The following PPP2R3B variants were observed in gnomAD, a reference collection of about 807,000 sequenced individuals.
PPP2R3B encodes serine/threonine-protein phosphatase 2A regulatory subunit B'' subunit beta.
In PPP2R3B, 68 loss-of-function variants were observed where a neutral mutation model predicts 72.9. That is an observed-to-expected ratio of 0.93 (90% CI 0.77 to 1.14). The LOEUF (loss-of-function observed/expected upper bound fraction) is 1.14, where lower values mean the gene tolerates loss of function less well. PPP2R3B is among the 50% of genes most tolerant of loss of function. The pLI is 0.00. For synonymous variants in PPP2R3B, 466 were observed against 375.8 expected (o/e 1.24, Z -2.78); for missense variants, 1,018 against 842.0 (o/e 1.21, Z -2.59).
chrX:372,160 C>T (rs962353178), intron 1 of PPP2R3B, among the ~76,000 whole-genome samples: 4 of 152,142 alleles, frequency 2.6e-5, no homozygotes, highest in Admixed American at 6.5e-5. Flanking sequence ...GAGCAAATCC[C>T]GCACGAGGCT....
chrX:356,050 G>C (rs551708572), intron 2 of PPP2R3B, among the ~76,000 whole-genome samples: 1 of 152,152 alleles, frequency 6.6e-6, no homozygotes, highest in African/African-American at 2.4e-5. Flanking sequence ...AAACACGTAA[G>C]GTGGTCAACA....
chrX:338,823 C>A lies in PPP2R3B; in HGVS notation c.1425G>T (p.Glu475Asp). The A allele has an allele frequency of 1.2e-6, 2 of 1,612,470 alleles. No homozygotes were observed. Among genetic ancestry groups the A allele is most frequent in the Middle Eastern group, 1.7e-4 (1 of 6,052 alleles). ...NVFFDTFFNI[E>D]KYLDHEQKEQ... Reference sequence around the variant, plus strand: ...CTTTCTGCTCGTGGTCGAGGTACTTCTCGATGTTGAAGAAGGTGTCGAAGA... The same window carrying A: ...CTTTCTGCTCGTGGTCGAGGTACTTATCGATGTTGAAGAAGGTGTCGAAGA... The change falls in exon 11 of 13, where the codon GAG becomes GAT. Residue 475 changes from glutamate (E) to aspartate (D), a missense_variant. Coordinates refer to ENST00000390665, the MANE Select transcript of PPP2R3B (RefSeq NM_013239.5).
chrX:386,102 TAATAAAATAA>T (rs200283641), intron 1 of PPP2R3B, among the ~76,000 whole-genome samples: 1 of 151,880 alleles, frequency 6.6e-6, no homozygotes, highest in Non-Finnish European at 1.5e-5. Flanking sequence ...CAAATTAAAA[TAATAAAATAA>T]AATAAAATAG....
chrX:348,104 G>A (rs1167895113), intron 2 of PPP2R3B, among the ~76,000 whole-genome samples: 3 of 152,072 alleles, frequency 2.0e-5, no homozygotes, highest in African/African-American at 7.2e-5. Context: ...CTACAGCAGC[G>A]ACCCATGGCA....
At chrX:341,041 T>C (rs1202801113) in intron 9 of PPP2R3B, 101 bp from the exon 10 acceptor site, 33 of 1,446,210 alleles carry the variant, frequency 2.3e-5, no homozygotes, top group Non-Finnish European at 2.8e-5. Flanking sequence ...GCGTCCCCGC[T>C]GTGCCTTGCA....
At chrX:348,677 A>G (rs2071272574) in intron 2 of PPP2R3B, among the ~76,000 whole-genome samples, 1 of 152,202 alleles carries the variant, frequency 6.6e-6, no homozygotes, top group South Asian at 2.1e-4. Context: ...TGTAAGTCAG[A>G]TGACTGCTGA....
At chrX:383,453 G>A (rs186881765) in intron 1 of PPP2R3B, among the ~76,000 whole-genome samples, 1,637 of 152,200 alleles carry the variant, frequency 0.011, 25 homozygotes, top group African/African-American at 0.037. Context: ...GACACCAGAC[G>A]CACCAGCCAT....
intron 1 of PPP2R3B, among the ~76,000 whole-genome samples, chrX:377,271 T>C (rs1329016904): frequency 3.4e-4 from 3 of 8,724 alleles, no homozygotes; most frequent in Admixed American, 1.2e-3. Context: ...GGGGCCGCCA[T>C]GGGGCTGTCT....
At chrX:357,544 A>G (rs192485200) in intron 2 of PPP2R3B, among the ~76,000 whole-genome samples, 2 of 152,340 alleles carry the variant, frequency 1.3e-5, no homozygotes, top group East Asian at 3.9e-4. Flanking sequence ...CCGGAAATAA[A>G]TGATTCTGTC....
intron 2 of PPP2R3B, among the ~76,000 whole-genome samples, chrX:356,866 C>A (rs2071446550): frequency 9.3e-6 from 1 of 107,334 alleles, no homozygotes; most frequent in Non-Finnish European, 2.1e-5. Context: ...ACACAGCGAG[C>A]CCCACAGTAT....
chrX:342,227 G>C (rs1302310853), intron 7 of PPP2R3B: 3 of 570,010 alleles, frequency 5.3e-6, no homozygotes, highest in Non-Finnish European at 9.4e-6. Context: ...CTTTCAGACG[G>C]AGAGAGAGAC....
intron 8 of PPP2R3B, 110 bp from the exon 9 acceptor site, chrX:341,506 C>T (rs2071075465): frequency 8.8e-7 from 1 of 1,136,334 alleles, no homozygotes; most frequent in Non-Finnish European, 1.3e-6. Context: ...GGGCCCGGCC[C>T]TCCTCCTGCC....
chrX:352,049 A>G (rs930105379), intron 2 of PPP2R3B, among the ~76,000 whole-genome samples: 3 of 152,166 alleles, frequency 2.0e-5, no homozygotes, highest in African/African-American at 7.2e-5. Flanking sequence ...TGCTGGGCAC[A>G]CAGTCCCCCC....
chrX:345,758 T>C, intron 6 of PPP2R3B, 86 bp from the exon 7 acceptor site: 1 of 527,510 alleles, frequency 1.9e-6, no homozygotes, highest in Non-Finnish European at 2.8e-6. Flanking sequence ...CAGGGAAGGC[T>C]GGGAGGGTCG....
At chrX:356,279 G>C (rs1168642628) in intron 2 of PPP2R3B, among the ~76,000 whole-genome samples, 1 of 152,136 alleles carries the variant, frequency 6.6e-6, no homozygotes, top group South Asian at 2.1e-4. Flanking sequence ...GCAGTGGTGC[G>C]ATCTTGGCTC....
At chrX:342,053 A>AG (rs1360653158) in intron 7 of PPP2R3B, 122 bp from the exon 8 acceptor site, 4 of 1,316,978 alleles carry the variant, frequency 3.0e-6, no homozygotes, top group Non-Finnish European at 4.4e-6. Flanking sequence ...TGGGTCTGGG[A>AG]GAGCCCCGGG....
chrX:385,384 A>AGCCTCT (rs1379388133), intron 1 of PPP2R3B, among the ~76,000 whole-genome samples: 1 of 123,970 alleles, frequency 8.1e-6, no homozygotes, highest in Non-Finnish European at 1.6e-5. Flanking sequence ...GCTGGAGTGC[A>AGCCTCT]GCCTCTGCCT....
intron 7 of PPP2R3B, chrX:344,818 A>C: frequency 3.4e-6 from 1 of 292,210 alleles, no homozygotes. Context: ...GCCCCGGGAG[A>C]CGCAGACGGG....
intron 4 of PPP2R3B, among the ~76,000 whole-genome samples, chrX:347,030 G>A (rs775055201): frequency 6.6e-6 from 1 of 150,690 alleles, no homozygotes; most frequent in South Asian, 2.1e-4. Flanking sequence ...GATGAGGTGT[G>A]CGGTGTAGAC....
Sources: gnomAD v4.1 joint callset for allele counts (sites outside exome capture counted in the v4.1 genomes callset) on GRCh38, gnomAD v4.1.1 for gene constraint, MANE v1.5 for transcripts, NCBI Gene and HGNC (gene_info 2026-07-23, HGNC 2026-07-21) for gene names.